The following PDE1C variants were observed in gnomAD, a reference collection of about 807,000 sequenced individuals.
The protein encoded by PDE1C is phosphodiesterase 1C, also known as dual specificity calcium/calmodulin-dependent 3',5'-cyclic nucleotide phosphodiesterase 1C.
Under a neutral mutation model 93.1 loss-of-function variants are expected in PDE1C, and 62 were observed. That is an observed-to-expected ratio of 0.67 (90% CI 0.54 to 0.82). PDE1C has a LOEUF of 0.82. Among genes scored for constraint, PDE1C ranks in the 40% least tolerant of loss-of-function variants. The pLI, the probability that PDE1C is intolerant of heterozygous loss-of-function variation, is 0.00. For synonymous variants in PDE1C, 325 were observed against 310.1 expected (o/e 1.05, Z -0.50); for missense variants, 742 against 884.6 (o/e 0.84, Z 2.04).
At chr7:31,867,119 T>C (rs1183455098) in intron 6 of PDE1C, among the ~76,000 whole-genome samples, 2 of 152,104 alleles carry the variant, frequency 1.3e-5, no homozygotes, top group Non-Finnish European at 2.9e-5. Context: ...GCCACAACTG[T>C]GGCTGGCTGT....
chr7:32,254,530 T>A (rs1446327230), intron 1 of PDE1C, among the ~76,000 whole-genome samples: 1 of 152,206 alleles, frequency 6.6e-6, no homozygotes, highest in Non-Finnish European at 1.5e-5. Flanking sequence ...ACTGATGTCA[T>A]CATATTCCAA....
At chr7:31,646,361 G>T in the PDE1C span, among the ~76,000 whole-genome samples, 1 of 152,156 alleles carries the variant, frequency 6.6e-6, no homozygotes, top group Non-Finnish European at 1.5e-5. Context: ...TCTGGGGATT[G>T]AAAGTGTGAG....
chr7:32,266,211 G>A (rs1397497488), intron 1 of PDE1C, among the ~76,000 whole-genome samples: 1 of 152,104 alleles, frequency 6.6e-6, no homozygotes, highest in African/African-American at 2.4e-5. Flanking sequence ...GAACCTGGGA[G>A]GTACAGCTTG....
At chr7:31,921,572 A>G (rs1802626740) in intron 2 of PDE1C, among the ~76,000 whole-genome samples, 2 of 152,190 alleles carry the variant, frequency 1.3e-5, no homozygotes, top group Admixed American at 6.5e-5. Context: ...GTAAACATTT[A>G]ACTCCTCATA....
chr7:32,016,876 C>T (rs1255720471), intron 2 of PDE1C, among the ~76,000 whole-genome samples: 1 of 152,094 alleles, frequency 6.6e-6, no homozygotes, highest in African/African-American at 2.4e-5. Context: ...TTAAAATTTT[C>T]CTCCTCCTAT....
At chr7:31,878,196 G>A (rs1036954554) in intron 4 of PDE1C, among the ~76,000 whole-genome samples, 160 bp from the exon 5 acceptor site, 3 of 152,124 alleles carry the variant, frequency 2.0e-5, no homozygotes, top group Non-Finnish European at 4.4e-5. Flanking sequence ...CACTCAGGTG[G>A]TCTAAGTGTT....
intron 1 of PDE1C, among the ~76,000 whole-genome samples, chr7:32,243,394 G>C (rs1038483201): frequency 6.6e-6 from 1 of 152,152 alleles, no homozygotes; most frequent in Non-Finnish European, 1.5e-5. Context: ...GCTTGTGAGA[G>C]GGAGGAAGCT....
intron 16 of PDE1C, among the ~76,000 whole-genome samples, chr7:31,805,005 A>C (rs1184624350): frequency 1.3e-5 from 2 of 151,766 alleles, no homozygotes; most frequent in Non-Finnish European, 2.9e-5. Flanking sequence ...AGGTAATTGC[A>C]TTATGGGGAT....
At chr7:31,904,380 A>T (rs1230637003) in intron 2 of PDE1C, among the ~76,000 whole-genome samples, 1 of 152,032 alleles carries the variant, frequency 6.6e-6, no homozygotes, top group Non-Finnish European at 1.5e-5. Context: ...ATCTATATAC[A>T]ATTTTTAAAA....
At chr7:31,916,044 T>TGG (rs146613094) in intron 2 of PDE1C, among the ~76,000 whole-genome samples, 3 of 151,440 alleles carry the variant, frequency 2.0e-5, no homozygotes, top group African/African-American at 4.8e-5. Flanking sequence ...CTGCCAGGTA[T>TGG]GGGGGGGGCA....
intron 1 of PDE1C, among the ~76,000 whole-genome samples, chr7:32,241,488 T>C (rs958230581): frequency 1.3e-5 from 2 of 152,122 alleles, no homozygotes; most frequent in Middle Eastern, 3.4e-3. Flanking sequence ...AGCAATGCCA[T>C]TGGAGTTGTG....
At chr7:32,245,382 C>G (rs898302980) in intron 1 of PDE1C, among the ~76,000 whole-genome samples, 2 of 152,176 alleles carry the variant, frequency 1.3e-5, no homozygotes, top group Admixed American at 1.3e-4. Flanking sequence ...AATTAGCTCA[C>G]TGATTGCCCA....
chr7:31,779,351 C>T (rs371154470), intron 16 of PDE1C, among the ~76,000 whole-genome samples: 217 of 152,264 alleles, frequency 1.4e-3, no homozygotes, highest in African/African-American at 4.7e-3. Context: ...CCTGTAGAAA[C>T]GCTATTGCCA....
intron 1 of PDE1C, among the ~76,000 whole-genome samples, chr7:32,268,060 G>A (rs77279771): frequency 0.04 from 6,085 of 152,238 alleles, 447 homozygotes; most frequent in African/African-American, 0.14. Context: ...GGGCAACGTC[G>A]GGGGTTACCC....
At chr7:31,824,410 G>A (rs1789401419) in intron 13 of PDE1C, among the ~76,000 whole-genome samples, 1 of 152,128 alleles carries the variant, frequency 6.6e-6, no homozygotes, top group Non-Finnish European at 1.5e-5. Flanking sequence ...AAGTGATGAG[G>A]AGCTGCCCTT....
At chr7:31,853,876 CTAT>C (rs1415190263) in intron 7 of PDE1C, among the ~76,000 whole-genome samples, 2 of 67,180 alleles carry the variant, frequency 3.0e-5, no homozygotes, top group African/African-American at 1.1e-4. Flanking sequence ...CCATGCCCAG[CTAT>C]TTTTTTTTTT....
upstream of PDE1C, among the ~76,000 whole-genome samples, chr7:32,073,613 AAAC>A (rs1563287741): frequency 2.0e-5 from 3 of 152,158 alleles, no homozygotes; most frequent in Non-Finnish European, 4.4e-5. Context: ...AAATACCACA[AAAC>A]AACTAAGGAT....
At chr7:32,221,653 A>G (rs756808230) in intron 1 of PDE1C, among the ~76,000 whole-genome samples, 3 of 152,242 alleles carry the variant, frequency 2.0e-5, no homozygotes, top group Non-Finnish European at 2.9e-5. Flanking sequence ...TACATGTTCT[A>G]AGAGCTCATT....
Position 32,247,175 on chromosome 7 carries a change from C to T in PDE1C, c.86-37636G>A, listed in dbSNP as rs145438408. Reference sequence around the variant, plus strand: ...ACAAATGAAGAAAGGTGTCAGCATACGCAAAGGCCAAGAAGAGTTCATGAA... The same window carrying T: ...ACAAATGAAGAAAGGTGTCAGCATATGCAAAGGCCAAGAAGAGTTCATGAA... On this transcript the variant is annotated intron_variant, in intron 1 of 18. Coordinates refer to the PDE1C transcript ENST00000396193. Among the ~76,000 whole-genome samples the T allele has an allele frequency of 2.6e-3, 389 of 152,244 alleles. 5 individuals are homozygous for T. The highest frequency in any genetic ancestry group is 0.017 in the Admixed American group (255 of 15,286).
Sources: gnomAD v4.1 joint callset for allele counts (sites outside exome capture counted in the v4.1 genomes callset) on GRCh38, gnomAD v4.1.1 for gene constraint, MANE v1.5 for transcripts, NCBI Gene and HGNC (gene_info 2026-07-23, HGNC 2026-07-21) for gene names.